The following WWOX variants were observed in gnomAD, a reference collection of about 807,000 sequenced individuals.
WWOX encodes WW domain containing oxidoreductase.
A neutral mutation model predicts 46.2 loss-of-function variants in WWOX; 69 were observed. The ratio of observed to expected loss-of-function variants is 1.49; its 90% CI spans 1.23 to 1.82. The LOEUF is 1.82. Ranked by LOEUF, WWOX falls within the 40% of genes most tolerant of loss-of-function variation. The pLI is 0.00. For synonymous variants in WWOX, 359 were observed against 202.6 expected (o/e 1.77, Z -6.56); for missense variants, 919 against 542.6 (o/e 1.69, Z -6.89).
chr16:78,425,081 A>T, intron 7 of WWOX, 26 bp downstream of exon 7: 3 of 1,612,056 alleles, frequency 1.9e-6, no homozygotes, highest in Non-Finnish European at 2.5e-6. Flanking sequence ...ATATTTGTTC[A>T]CTTATCCCCT....
intron 8 of WWOX, among the ~76,000 whole-genome samples, chr16:78,785,171 A>G (rs1326980359): frequency 6.6e-6 from 1 of 152,232 alleles, no homozygotes; most frequent in Non-Finnish European, 1.5e-5. Flanking sequence ...CTGGCTGTCT[A>G]AGAATTAAGC....
At chr16:79,089,393 A>G (rs2048912264) in intron 8 of WWOX, among the ~76,000 whole-genome samples, 1 of 149,046 alleles carries the variant, frequency 6.7e-6, no homozygotes, top group Non-Finnish European at 1.5e-5. Context: ...ATGCAGTGGC[A>G]TGATCTCGGC....
rs115852158 is a variant in WWOX at position 78,799,168 on chromosome 16, A to C, written c.1056+366416A>C. Among the ~76,000 whole-genome samples, 1,123 of 152,294 alleles carry C rather than the reference A, an allele frequency of 7.4e-3. 20 individuals are homozygous for C. The highest frequency in any genetic ancestry group is 0.026 in the African/African-American group (1,060 of 41,562). ...TTATGCAAGGCTATTATGTGAAGTT[A>C]GGAAATATTTAAAACTCTGCCTTTC... On this transcript the variant is annotated intron_variant, in intron 8 of 8. Transcript: ENST00000566780.
At chr16:78,784,301 G>T (rs1431743338) in intron 8 of WWOX, among the ~76,000 whole-genome samples, 1 of 152,124 alleles carries the variant, frequency 6.6e-6, no homozygotes, top group East Asian at 1.9e-4. Flanking sequence ...GAGACAGCCA[G>T]TCAAGCCCTG....
At chr16:78,715,633 C>G (rs1334621257) in intron 8 of WWOX, among the ~76,000 whole-genome samples, 1 of 152,138 alleles carries the variant, frequency 6.6e-6, no homozygotes, top group Non-Finnish European at 1.5e-5. Context: ...GCACATGCCA[C>G]CACACCCAGC....
intron 5 of WWOX, among the ~76,000 whole-genome samples, chr16:78,188,525 G>A (rs1020329187): frequency 2.0e-5 from 3 of 151,660 alleles, no homozygotes; most frequent in Middle Eastern, 3.4e-3. Flanking sequence ...GTTTGCCTCA[G>A]TTGGGAAAAA....
At chr16:79,115,244 A>C (rs1393309993) in intron 8 of WWOX, among the ~76,000 whole-genome samples, 1 of 152,232 alleles carries the variant, frequency 6.6e-6, no homozygotes, top group Non-Finnish European at 1.5e-5. Flanking sequence ...TCTAACAATC[A>C]ATGGAAACAC....
chr16:78,894,020 T>TTATTATTATTATTA (rs1555561422), intron 8 of WWOX, among the ~76,000 whole-genome samples: 13 of 140,076 alleles, frequency 9.3e-5, no homozygotes, highest in South Asian at 2.4e-4. Context: ...TATTGAGGCT[T>TTATTATTATTATTA]TTATTATTAT....
At chr16:78,867,881 AT>A (rs2044041374) in intron 8 of WWOX, among the ~76,000 whole-genome samples, 1 of 152,146 alleles carries the variant, frequency 6.6e-6, no homozygotes, top group African/African-American at 2.4e-5. Flanking sequence ...AGAAAGATTT[AT>A]TATCCCAAGA....
intron 8 of WWOX, among the ~76,000 whole-genome samples, chr16:78,822,036 C>G (rs1372605777): frequency 6.6e-6 from 1 of 152,080 alleles, no homozygotes; most frequent in Non-Finnish European, 1.5e-5. Flanking sequence ...ACCACCATGC[C>G]CAGCTATTTT....
At chr16:78,499,681 C>G (rs2085010823) in intron 8 of WWOX, among the ~76,000 whole-genome samples, 2 of 152,314 alleles carry the variant, frequency 1.3e-5, no homozygotes, top group Non-Finnish European at 2.9e-5. Flanking sequence ...GGCTTTGACT[C>G]CTTAAGGATA....
intron 8 of WWOX, among the ~76,000 whole-genome samples, chr16:78,645,943 C>T (rs1235468227): frequency 6.6e-6 from 1 of 152,182 alleles, no homozygotes; most frequent in Non-Finnish European, 1.5e-5. Flanking sequence ...TTAAAACCAG[C>T]AGTGCAGCGT....
intron 8 of WWOX, among the ~76,000 whole-genome samples, chr16:78,540,937 T>G (rs1174044113): frequency 2.0e-5 from 3 of 152,104 alleles, no homozygotes; most frequent in African/African-American, 2.4e-5. Flanking sequence ...CCTCCTGCCT[T>G]GAGCTCCCGA....
chr16:78,804,024 C>T (rs1363455678), intron 8 of WWOX, among the ~76,000 whole-genome samples: 1 of 152,088 alleles, frequency 6.6e-6, no homozygotes, highest in African/African-American at 2.4e-5. Flanking sequence ...ACAGCCCCAT[C>T]ACTATGAGAT....
At chr16:78,692,381 C>T (rs896948856) in intron 8 of WWOX, among the ~76,000 whole-genome samples, 2 of 152,180 alleles carry the variant, frequency 1.3e-5, no homozygotes, top group South Asian at 4.1e-4. Flanking sequence ...TCAGTCCTTA[C>T]CAAAGTGTAC....
At chr16:78,433,178 C>A (rs969733593) in intron 8 of WWOX, among the ~76,000 whole-genome samples, 11 of 152,228 alleles carry the variant, frequency 7.2e-5, no homozygotes, top group African/African-American at 2.4e-4. Flanking sequence ...TCCTTTGTTT[C>A]ACAGAAAAAC....
intron 8 of WWOX, among the ~76,000 whole-genome samples, chr16:79,201,069 A>C (rs1438147953): frequency 6.6e-6 from 1 of 152,126 alleles, no homozygotes; most frequent in African/African-American, 2.4e-5. Context: ...TTATATTATT[A>C]TGTCGACTTT....
rs762414187 is a variant in WWOX, at chr16:78,504,954, ATG to A, written c.1056+72204_1056+72205del. ...ACGTTGCAGGACTCCCCGGAAAAGA[ATG>A]TATAAATTGATGTGTTTTTGTATAT... On this transcript the variant is annotated intron_variant, in intron 8 of 8. Coordinates refer to ENST00000566780, the MANE Select transcript of WWOX (RefSeq NM_016373.4). Among the ~76,000 whole-genome samples the A allele has an allele frequency of 6.6e-5, 10 of 152,306 alleles. No homozygotes were observed. In the East Asian group the frequency reaches 1.5e-3, roughly 23 times the overall value.
At chr16:78,697,526 C>T (rs2048126799) in intron 8 of WWOX, among the ~76,000 whole-genome samples, 1 of 152,102 alleles carries the variant, frequency 6.6e-6, no homozygotes, top group African/African-American at 2.4e-5. Context: ...GACTAATATC[C>T]AGGATCTACA....
Sources: gnomAD v4.1 joint callset for allele counts (sites outside exome capture counted in the v4.1 genomes callset) on GRCh38, gnomAD v4.1.1 for gene constraint, MANE v1.5 for transcripts, NCBI Gene and HGNC (gene_info 2026-07-23, HGNC 2026-07-21) for gene names.